ABHD1: variants seen among roughly 807,000 people sequenced by gnomAD.
ABHD1 encodes protein ABHD1.
In ABHD1, 47 loss-of-function variants were observed where a neutral mutation model predicts 41.4. The ratio of observed to expected loss-of-function variants is 1.13; its 90% CI spans 0.90 to 1.45. The LOEUF (loss-of-function observed/expected upper bound fraction) is 1.45. Among genes scored for constraint, ABHD1 ranks in the 40% most tolerant of loss-of-function variants. The probability of loss-of-function intolerance (pLI) is 0.00; values close to 1 mark genes in which losing one functional copy is unlikely to be tolerated. For missense variants in ABHD1, 550 were observed against 503.4 expected (o/e 1.09, Z -0.89); for synonymous variants, 205 against 203.7 (o/e 1.01, Z -0.05).
intron 1 of ABHD1, chr2:27,126,367 G>GT (rs1406947872): frequency 6.6e-6 from 1 of 152,222 alleles, no homozygotes; most frequent in Admixed American, 6.5e-5. Context: ...GACAGCTGTC[G>GT]TAATTCCAGG....
Position 27,128,961 on chromosome 2 carries a change from C to G in ABHD1, c.292C>G (p.Pro98Ala). ...VLYQSDILQTPDGGQLLLDWA... is the reference protein window; with the variant it reads ...VLYQSDILQTADGGQLLLDWA... ...CAAAACCAGTGACATCCTCCAAACACCAGATGGAGGCCAGCTCCTGCTAGA... is the reference window on the plus strand; with the variant it reads ...CAAAACCAGTGACATCCTCCAAACAGCAGATGGAGGCCAGCTCCTGCTAGA... Residue 98 changes from proline to alanine, a missense_variant, in exon 3 of 9, where the codon CCA (proline) becomes GCA (alanine). By Grantham distance (27) the Pro-to-Ala change is conservative. Transcript: ENST00000316470. 1.2e-6 allele frequency: 2 copies of G among 1,613,744 alleles called. No individual in the cohort carries two copies. The highest frequency in any genetic ancestry group is 1.7e-6 in the Non-Finnish European group (2 of 1,179,842).
In ABHD1 at chr2:27,123,848, C is replaced by A. The variant is rs1671840396; in HGVS notation, c.-101C>A. ...AAACTGCCTGCAGCGGGGACCGGAC[C>A]TGCACAGGCCGCCTATGGCGGGCGG... On this transcript the variant is annotated 5_prime_UTR_variant, in exon 1 of 9. In the 5' UTR this introduces an upstream ATG that the reference lacks. Transcript: ENST00000316470. 22 of 1,026,216 alleles carry A rather than the reference C, an allele frequency of 2.1e-5. No homozygotes were observed. The South Asian group carries it at 3.0e-4, about 14-fold the overall frequency. 63.6% of individuals were successfully genotyped at this position (1,026,216 alleles called of 1,614,324 possible). A position where few individuals can be genotyped will look rare whatever the true frequency, so the allele number is the denominator to read the frequency against.
chr2:27,124,132 G>A (rs1279878120), intron 1 of ABHD1, 70 bp downstream of exon 1: 4 of 1,418,028 alleles, frequency 2.8e-6, no homozygotes, highest in South Asian at 1.2e-5. Context: ...ACGGGCTTGG[G>A]CCCTTGGTGG....
intron 5 of ABHD1, 55 bp from the exon 6 acceptor site, chr2:27,129,699 C>T (rs1672142786): frequency 6.2e-7 from 1 of 1,610,386 alleles, no homozygotes; most frequent in Admixed American, 1.7e-5. Context: ...CTTCCTCTGT[C>T]CCAACCCACA....
At chr2:27,129,488 T>C (rs1341366053) in intron 4 of ABHD1, 26 bp from the exon 5 acceptor site, 3 of 1,613,136 alleles carry the variant, frequency 1.9e-6, no homozygotes, top group African/African-American at 2.7e-5. Flanking sequence ...TCTCCCTCCC[T>C]ACCCAATGAT....
At chr2:27,127,553 CA>C (rs776328433) in intron 1 of ABHD1, among the ~76,000 whole-genome samples, 6 of 96,194 alleles carry the variant, frequency 6.2e-5, no homozygotes, top group African/African-American at 1.2e-4. Context: ...GACTCTGTCT[CA>C]AAAAAAAAAA....
At chr2:27,128,366 A>C (rs780139167) in intron 1 of ABHD1, 75 bp from the exon 2 acceptor site, 7 of 1,600,312 alleles carry the variant, frequency 4.4e-6, no homozygotes, top group South Asian at 1.1e-5. Flanking sequence ...GGGCCCCCTC[A>C]CCCTCTGGTG....
rs1300431562 is a variant in ABHD1, at chr2:27,129,906, G to A, written c.770G>A (p.Gly257Glu). 3 of 1,614,014 alleles carry A rather than the reference G, an allele frequency of 1.9e-6. No individual in the cohort carries two copies. In the South Asian group the frequency reaches 3.3e-5, roughly 18 times the overall value. ...CTCTTCAATCAGCCCCTCACTGCTG[G>A]GCTCTGCCAACTTGTGGAACGGTAG... The part of the protein sequence containing the change: ...SLLFNQPLTA[G>E]LCQLVERNRK... Residue 257 changes from glycine to glutamate, a missense_variant, in exon 6 of 9, where the codon GGG becomes GAG. Gly to Glu is a moderately conservative substitution (Grantham distance 98). Coordinates refer to ENST00000316470, the MANE Select transcript of ABHD1 (RefSeq NM_032604.4).
Position 27,130,671 on chromosome 2 carries a change from A to G in ABHD1, c.1145A>G (p.Lys382Arg). The change falls in exon 9 of 9, where the codon AAA (lysine) becomes AGA (arginine). Residue 382 changes from lysine to arginine, a missense_variant. Physicochemically the swap from Lys to Arg is conservative, Grantham distance 26. Transcript: ENST00000316470. ...AGCCGCCTCTTGCATCAGTACGCCA[A>G]AGCCATCTTCCAGGACCCAGAGGGG... is the stretch of plus-strand genomic sequence containing the variant. ...YMSRLLHQYAKAIFQDPEGLP... is the reference protein window; with the variant it reads ...YMSRLLHQYARAIFQDPEGLP... The G allele has an allele frequency of 6.2e-7, 1 of 1,614,224 alleles. No individual in the cohort carries two copies. The highest frequency in any genetic ancestry group is 8.5e-7 in the Non-Finnish European group (1 of 1,180,038).
intron 1 of ABHD1, chr2:27,125,266 ACTTTC>A (rs996146213): frequency 6.6e-6 from 1 of 152,218 alleles, no homozygotes; most frequent in Non-Finnish European, 1.5e-5. Context: ...CTAAGGAAAC[ACTTTC>A]CTTTACTTGC....
At position 27,128,620 on chromosome 2, in the gene ABHD1, G is replaced by A. The variant is rs756145251; in HGVS notation, c.275+19G>A. ...ATCAGAGGTAAGAAGGGACAGAACA[G>A]GGTGAACATGAAACCCCAGGTATCT... is the stretch of plus-strand genomic sequence containing the variant. On this transcript the variant is annotated intron_variant, in intron 2 of 8. Coordinates refer to ENST00000316470, the MANE Select transcript of ABHD1 (RefSeq NM_032604.4). The A allele has an allele frequency of 1.2e-6, 2 of 1,609,724 alleles. No homozygotes were observed. Among genetic ancestry groups the A allele is most frequent in the South Asian group, 1.1e-5 (1 of 91,034 alleles).
At position 27,129,859 on chromosome 2, in the gene ABHD1, G is replaced by A. The variant is rs139038618; in HGVS notation, c.723G>A (p.Leu241=). 6 of 1,614,124 alleles carry A rather than the reference G, an allele frequency of 3.7e-6. No individual in the cohort carries two copies. Among genetic ancestry groups the A allele is most frequent in the Non-Finnish European group, 4.2e-6 (5 of 1,180,034 alleles). ...CWDSFETTRS[L]ETPLNSLLFN... ...ATTCCTTTGAGACCACTCGCTCCCT[G>A]GAAACCCCACTCAACTCACTGCTCT... Residue 241 remains leucine, a synonymous_variant, in exon 6 of 9, where the codon CTG becomes CTA. Transcript: ENST00000316470.
rs561116456 is a variant in ABHD1, at chr2:27,127,649, C to T, written c.115-792C>T. On this transcript the variant is annotated intron_variant, in intron 1 of 8. Coordinates refer to ENST00000316470, the MANE Select transcript of ABHD1 (RefSeq NM_032604.4). ...CAACCTCGGCTCACTGCAACCTCTGCCTCCCGGGTTCAAGTGATTCTCCTG... is the reference window on the plus strand; with the variant it reads ...CAACCTCGGCTCACTGCAACCTCTGTCTCCCGGGTTCAAGTGATTCTCCTG... Among the ~76,000 whole-genome samples, 17 of 151,142 alleles carry T rather than the reference C, an allele frequency of 1.1e-4. No individual in the cohort carries two copies. The South Asian group carries it at 3.6e-3, about 32-fold the overall frequency.
Position 27,128,675 on chromosome 2 carries a change from TG to T in ABHD1, c.275+75del, listed in dbSNP as rs918377973. On this transcript the variant is annotated intron_variant, in intron 2 of 8. Coordinates refer to ENST00000316470, the MANE Select transcript of ABHD1 (RefSeq NM_032604.4). ...AAAAACCTATCTACCACTTTTAAAA[TG>T]TAGGTAATCTGCCTCATCTACATCC... The T allele has an allele frequency of 6.3e-6, 10 of 1,577,302 alleles. No individual in the cohort carries two copies. In the African/African-American group the frequency reaches 1.2e-4, roughly 19 times the overall value.
In ABHD1 at chr2:27,127,568, A is replaced by AG. The variant is rs1333726290; in HGVS notation, c.115-873_115-872insG. 1.2e-3 allele frequency among the ~76,000 whole-genome samples: 53 copies of AG among 44,534 alleles called. 1 individual carries two copies. The highest frequency in any genetic ancestry group is 2.1e-3 in the East Asian group (1 of 486). 29.2% of individuals were successfully genotyped at this position (44,534 alleles called of 152,430 possible). ...GACTCTGTCTCAAAAAAAAAAAAAA[A>AG]AAAGAAAAAAAAAAGATGGTGTCTC... On this transcript the variant is annotated intron_variant, in intron 1 of 8. Transcript: ENST00000316470.
intron 1 of ABHD1, 176 bp from the exon 2 acceptor site, chr2:27,128,265 G>C: frequency 1.3e-6 from 1 of 745,564 alleles, no homozygotes; most frequent in African/African-American, 1.7e-5. Flanking sequence ...TCTAGCTGGA[G>C]TGTATTATCA....
In ABHD1 at chr2:27,128,479, C is replaced by T. The variant is rs1672068433; in HGVS notation, c.153C>T (p.Phe51=). 4.3e-6 allele frequency: 7 copies of T among 1,613,994 alleles called. No homozygotes were observed. Among genetic ancestry groups the T allele is most frequent in the Admixed American group, 1.7e-5 (1 of 59,988 alleles). ...RLVAGPQFLA[F]LEPHCSITTE... The stretch of plus-strand genomic sequence containing the variant: ...TGGCTGGGCCGCAGTTTCTGGCCTT[C>T]CTGGAGCCACACTGTTCCATCACCA... Residue 51 remains phenylalanine, a synonymous_variant, in exon 2 of 9, where the codon TTC becomes TTT. Coordinates refer to ENST00000316470, the MANE Select transcript of ABHD1 (RefSeq NM_032604.4).
chr2:27,128,232 C>A (rs1672057407), intron 1 of ABHD1, among the ~76,000 whole-genome samples: 1 of 152,206 alleles, frequency 6.6e-6, no homozygotes. Flanking sequence ...CAGTGACACT[C>A]CAGGACTGGG....
chr2:27,130,346 C>G lies in ABHD1; in HGVS notation c.936C>G (p.Thr312=), dbSNP rs748229712. 1.2e-6 allele frequency: 2 copies of G among 1,614,200 alleles called. No homozygotes were observed. Among genetic ancestry groups the G allele is most frequent in the South Asian group, 2.2e-5 (2 of 91,082 alleles). ...ACTACAAAGCAGCAAGCCCTAGAAC[C>G]AAGATAGATGCCATCCGGATCCCTG... ...VTYYKAASPR[T]KIDAIRIPVL... is the part of the protein sequence containing the mutation. The change falls in exon 8 of 9, where the codon ACC becomes ACG. Residue 312 remains threonine (T), a synonymous_variant. Transcript: ENST00000316470.
Sources: allele counts gnomAD v4.1 joint callset (sites outside exome capture counted in the v4.1 genomes callset), GRCh38; gene constraint gnomAD v4.1.1; transcripts MANE v1.5; gene names NCBI Gene and HGNC (gene_info 2026-07-23, HGNC 2026-07-21).